Variants in GFOD2 observed in about 807,000 individuals in gnomAD.
GFOD2 encodes glucose-fructose oxidoreductase domain-containing protein 2.
Under a neutral mutation model 24.6 loss-of-function variants are expected in GFOD2, and 9 were observed. That is an observed-to-expected ratio of 0.37 (90% confidence interval 0.22 to 0.64). GFOD2 has a LOEUF of 0.64. GFOD2 is among the 30% of genes least tolerant of loss of function. The pLI is 0.65. For missense variants in GFOD2, 476 were observed against 532.5 expected, an observed-to-expected ratio of 0.89 and a Z score of 1.04; for synonymous variants, 211 against 224.8, an observed-to-expected ratio of 0.94 and a Z score of 0.55.
chr16:67,699,157 A>G (rs2053380636), intron 1 of GFOD2, among the ~76,000 whole-genome samples: 1 of 152,024 alleles, frequency 6.6e-6, no homozygotes, highest in South Asian at 2.1e-4. Flanking sequence ...CCTGGCTGAC[A>G]TGGTGAAACC....
Position 67,674,937 on chromosome 16 carries a change from C to T in GFOD2, c.*218G>A, listed in dbSNP as rs568964703. On this transcript the variant is annotated 3_prime_UTR_variant, in exon 3 of 3. Coordinates refer to ENST00000268797, the MANE Select transcript of GFOD2 (RefSeq NM_030819.4). ...GGCCTGGCGGCAGCTCTGCCCTGTG[C>T]ACACCGTGGTAACCTGGCAACAGGA... The T allele has an allele frequency of 3.4e-6, 2 of 587,796 alleles. No homozygotes were observed. Among genetic ancestry groups the T allele is most frequent in the East Asian group, 2.9e-5 (1 of 34,868 alleles). 36.4% of individuals were successfully genotyped at this position (587,796 alleles called of 1,614,324 possible).
intron 1 of GFOD2, among the ~76,000 whole-genome samples, chr16:67,709,139 C>T (rs2053456806): frequency 1.3e-5 from 2 of 151,686 alleles, no homozygotes; most frequent in African/African-American, 4.8e-5. Context: ...TCCTTCTCCA[C>T]AAAAAATACA....
intron 1 of GFOD2, among the ~76,000 whole-genome samples, chr16:67,703,738 G>A (rs376942709): frequency 6.6e-6 from 1 of 152,156 alleles, no homozygotes; most frequent in Admixed American, 6.5e-5. Context: ...TAGACAGGCA[G>A]AGCAACAGAA....
intron 1 of GFOD2, among the ~76,000 whole-genome samples, chr16:67,692,333 G>A (rs965851272): frequency 2.6e-5 from 4 of 151,328 alleles, no homozygotes; most frequent in Non-Finnish European, 5.9e-5. Context: ...TGTAATTCCA[G>A]CATTTTGGGA....
intron 2 of GFOD2, chr16:67,683,185 T>C (rs1402804607): frequency 2.0e-6 from 2 of 1,003,710 alleles, no homozygotes; most frequent in Non-Finnish European, 1.2e-6. Context: ...GAGAATTCAG[T>C]TTCTAACAAG....
At chr16:67,677,984 C>T (rs1308093925) in intron 2 of GFOD2, 1 of 152,080 alleles carries the variant, frequency 6.6e-6, no homozygotes, top group Non-Finnish European at 1.5e-5. Flanking sequence ...GGCCCCCAAA[C>T]ATTTTCTGAA....
rs529347332 is a variant in GFOD2, at chr16:67,710,545, G to A, written c.-88+8618C>T. ...TGCCCGGCTAATTTTTTGTTTTTTA[G>A]TAGAGACGGGGTTTCACCGTGTTAG... is the stretch of plus-strand genomic sequence containing the variant. On this transcript the variant is annotated intron_variant, in intron 1 of 2. Transcript: ENST00000268797. Among the ~76,000 whole-genome samples the A allele has an allele frequency of 5.1e-4, 78 of 152,022 alleles. 1 individual carries two copies. Among genetic ancestry groups the A allele is most frequent in the Non-Finnish European group, 8.8e-4 (60 of 68,000 alleles).
At position 67,711,645 on chromosome 16, in the gene GFOD2, C is replaced by T. The variant is rs530812728; in HGVS notation, c.-88+7518G>A. On this transcript the variant is annotated intron_variant, in intron 1 of 2. Coordinates refer to ENST00000268797, the MANE Select transcript of GFOD2 (RefSeq NM_030819.4). ...TTGGATGTTTAATAGGCATCTCACACTTAAAATGTCCAGAACTAAACTCCT... is the reference window on the plus strand; with the variant it reads ...TTGGATGTTTAATAGGCATCTCACATTTAAAATGTCCAGAACTAAACTCCT... Among the ~76,000 whole-genome samples, 4 of 152,334 alleles carry T rather than the reference C, an allele frequency of 2.6e-5. No individual in the cohort carries two copies. The South Asian group carries it at 6.2e-4, about 24-fold the overall frequency.
At chr16:67,678,064 C>T (rs2053195605) in intron 2 of GFOD2, among the ~76,000 whole-genome samples, 1 of 152,236 alleles carries the variant, frequency 6.6e-6, no homozygotes, top group African/African-American at 2.4e-5. Flanking sequence ...GCAGCTTACC[C>T]TGATGGACCA....
intron 1 of GFOD2, among the ~76,000 whole-genome samples, chr16:67,695,575 A>G (rs1597798223): frequency 7.1e-6 from 1 of 139,914 alleles, no homozygotes; most frequent in Non-Finnish European, 1.5e-5. Context: ...CATTTCTGTC[A>G]CCCAGGCTGG....
chr16:67,710,598 G>A (rs1048944916), intron 1 of GFOD2, among the ~76,000 whole-genome samples: 5 of 150,272 alleles, frequency 3.3e-5, no homozygotes, highest in Admixed American at 6.6e-5. Flanking sequence ...TCCTGACCTC[G>A]TGATCCACCC....
intron 2 of GFOD2, chr16:67,683,942 A>G: frequency 4.8e-6 from 5 of 1,041,016 alleles, no homozygotes; most frequent in Non-Finnish European, 5.8e-6. Context: ...TCTGTCATCT[A>G]CCTTGTAATG....
At chr16:67,695,375 C>T (rs1387288971) in intron 1 of GFOD2, among the ~76,000 whole-genome samples, 1 of 152,072 alleles carries the variant, frequency 6.6e-6, no homozygotes, top group Non-Finnish European at 1.5e-5. Context: ...AGGTCAAGCA[C>T]ACAGTTATCT....
chr16:67,702,449 G>A (rs1251625369), intron 1 of GFOD2, among the ~76,000 whole-genome samples: 1 of 151,614 alleles, frequency 6.6e-6, no homozygotes, highest in African/African-American at 2.4e-5. Context: ...ACTCCAGCCT[G>A]GGCAACAGAG....
chr16:67,691,444 C>G (rs9931366), intron 1 of GFOD2, among the ~76,000 whole-genome samples: 44,137 of 150,808 alleles, frequency 0.29, 9,876 homozygotes, highest in African/African-American at 0.63. Flanking sequence ...CTGGCCTCAA[C>G]TGATCTGCCC....
At chr16:67,696,251 G>A (rs145072018) in intron 1 of GFOD2, among the ~76,000 whole-genome samples, 10 of 151,572 alleles carry the variant, frequency 6.6e-5, no homozygotes, top group African/African-American at 2.4e-4. Flanking sequence ...TTGACCTCGT[G>A]ATCTGCCCGC....
rs753490040 is a variant in GFOD2 at position 67,674,847 on chromosome 16, A to G, written c.*308T>C. ...CTTTCTCACCCTGTTAGGACTGCGG[A>G]TCAGGCTGAAGGGCTCCCCAGGGTG... On this transcript the variant is annotated 3_prime_UTR_variant, in exon 3 of 3. Coordinates refer to ENST00000268797, the MANE Select transcript of GFOD2 (RefSeq NM_030819.4). 5.7e-6 allele frequency: 2 copies of G among 350,410 alleles called. No individual in the cohort carries two copies. Among genetic ancestry groups the G allele is most frequent in the Non-Finnish European group, 1.0e-5 (2 of 191,280 alleles). 21.7% of individuals were successfully genotyped at this position (350,410 alleles called of 1,614,324 possible). A position where few individuals can be genotyped will look rare whatever the true frequency, so the allele number is the denominator to read the frequency against.
chr16:67,690,399 T>A (rs1170488875), intron 1 of GFOD2, among the ~76,000 whole-genome samples: 2 of 118,624 alleles, frequency 1.7e-5, no homozygotes, highest in Non-Finnish European at 3.8e-5. Context: ...TTATTCACTA[T>A]TTTTTTTTTT....
intron 2 of GFOD2, among the ~76,000 whole-genome samples, chr16:67,680,052 C>T (rs1225930075): frequency 2.6e-5 from 4 of 152,184 alleles, no homozygotes; most frequent in Admixed American, 6.5e-5. Context: ...AGTGACAGCA[C>T]GCCCAGCTGA....
Sources: gnomAD v4.1 joint callset for allele counts (sites outside exome capture counted in the v4.1 genomes callset) on GRCh38, gnomAD v4.1.1 for gene constraint, MANE v1.5 for transcripts, NCBI Gene and HGNC (gene_info 2026-07-23, HGNC 2026-07-21) for gene names.